UTP4: variants seen among roughly 807,000 people sequenced by gnomAD.
The protein encoded by UTP4 is UTP4 small subunit processome component, also known as U3 small nucleolar RNA-associated protein 4 homolog.
In UTP4, 45 loss-of-function variants were observed where a neutral mutation model predicts 82.4. The ratio of observed to expected loss-of-function variants is 0.55; its 90% CI spans 0.43 to 0.70. The LOEUF (loss-of-function observed/expected upper bound fraction) is 0.70. Ranked by LOEUF, UTP4 falls within the 30% of genes least tolerant of loss-of-function variation. UTP4 has a pLI of 0.00. For synonymous variants in UTP4, 348 were observed against 300.3 expected, an observed-to-expected ratio of 1.16 and a Z score of -1.64; for missense variants, 819 against 858.3, an observed-to-expected ratio of 0.95 and a Z score of 0.57.
At chr16:69,153,016 G>C (rs1431226201) in intron 8 of UTP4, among the ~76,000 whole-genome samples, 1 of 152,120 alleles carries the variant, frequency 6.6e-6, no homozygotes, top group East Asian at 1.9e-4. Flanking sequence ...AGTTTCCTTA[G>C]TGTGTCTTAT....
In UTP4 at chr16:69,168,940, C is replaced by A; in HGVS notation, c.*3C>A. The A allele has an allele frequency of 6.4e-7, 1 of 1,557,328 alleles. No individual in the cohort carries two copies. Among genetic ancestry groups the A allele is most frequent in the Non-Finnish European group, 8.9e-7 (1 of 1,128,134 alleles). On this transcript the variant is annotated 3_prime_UTR_variant, in exon 17 of 17. Transcript: ENST00000314423. Reference sequence around the variant, plus strand: ...AAAAGAAGAAATTTGGAACCTAAAACAGGGCACTGTCTGTGTCCTTCCTTG... The same window carrying A: ...AAAAGAAGAAATTTGGAACCTAAAAAAGGGCACTGTCTGTGTCCTTCCTTG...
chr16:69,167,854 A>C (rs1226404010), intron 16 of UTP4: 1 of 151,992 alleles, frequency 6.6e-6, no homozygotes, highest in Non-Finnish European at 1.5e-5. Context: ...AAAAAAAAAA[A>C]AATATAAAAA....
chr16:69,168,849 A>G lies in UTP4; in HGVS notation c.1973A>G (p.Glu658Gly). 1 of 1,613,546 alleles carries G rather than the reference A, an allele frequency of 6.2e-7. No homozygotes were observed. Among genetic ancestry groups the G allele is most frequent in the South Asian group, 1.1e-5 (1 of 91,056 alleles). The change falls in exon 17 of 17, where the codon GAA (glutamate) becomes GGA (glycine). Residue 658 changes from glutamate (E) to glycine (G), a missense_variant. Glu to Gly is a moderately conservative substitution (Grantham distance 98). Transcript: ENST00000314423. Reference protein sequence around the residue: ...KPLLFMDLLDERTLVAVERPL... With the variant: ...KPLLFMDLLDGRTLVAVERPL... ...CTACTCTTCATGGATCTTTTGGATG[A>G]AAGAACACTCGTGGCAGTAGAACGG...
chr16:69,134,015 A>G (rs1962736145), intron 2 of UTP4, among the ~76,000 whole-genome samples: 1 of 152,166 alleles, frequency 6.6e-6, no homozygotes, highest in African/African-American at 2.4e-5. Context: ...TAATATCAGA[A>G]ACTTTTTGGT....
At chr16:69,160,886 G>A (rs1308977728) in intron 13 of UTP4, among the ~76,000 whole-genome samples, 3 of 152,038 alleles carry the variant, frequency 2.0e-5, no homozygotes, top group Non-Finnish European at 4.4e-5. Context: ...ATGAGCCACC[G>A]CGCCTGGCCA....
chr16:69,155,399 C>G (rs900791693), intron 10 of UTP4, among the ~76,000 whole-genome samples: 1 of 151,696 alleles, frequency 6.6e-6, no homozygotes, highest in Admixed American at 6.6e-5. Context: ...CTCCTGGGCT[C>G]AAGCAATCCT....
chr16:69,144,129 C>A (rs899667260), intron 6 of UTP4, among the ~76,000 whole-genome samples: 1 of 152,026 alleles, frequency 6.6e-6, no homozygotes. Context: ...CTCAGGTGAT[C>A]CACCCACCTC....
At chr16:69,148,875 A>G (rs1360767393) in intron 6 of UTP4, among the ~76,000 whole-genome samples, 1 of 152,156 alleles carries the variant, frequency 6.6e-6, no homozygotes, top group Non-Finnish European at 1.5e-5. Flanking sequence ...GCGGGATTAC[A>G]GATGTGAGCC....
intron 14 of UTP4, 31 bp downstream of exon 14, chr16:69,163,209 T>A (rs1327207276): frequency 6.5e-7 from 1 of 1,538,740 alleles, no homozygotes; most frequent in Non-Finnish European, 9.0e-7. Context: ...TTCTATTCCC[T>A]TCCTGCTGGA....
chr16:69,166,757 G>A (rs1327949543), intron 15 of UTP4: 2 of 339,708 alleles, frequency 5.9e-6, no homozygotes, highest in South Asian at 3.1e-5. Context: ...GCCAGAAGCC[G>A]CAGAAGGGCC....
chr16:69,150,269 C>G (rs1397471672), intron 6 of UTP4, among the ~76,000 whole-genome samples: 1 of 152,104 alleles, frequency 6.6e-6, no homozygotes, highest in Non-Finnish European at 1.5e-5. Flanking sequence ...TCTCTCAATG[C>G]TATTCTAAGG....
Position 69,139,948 on chromosome 16 carries a change from G to T in UTP4, c.526+34G>T, listed in dbSNP as rs765477274. On this transcript the variant is annotated intron_variant, in intron 5 of 16. Transcript: ENST00000314423. ...TTTTTTCAGTTCATTTGGGGTGTGG[G>T]TTTTGTCAGATTCACATTTCTGAGT... 6 of 1,474,618 alleles carry T rather than the reference G, an allele frequency of 4.1e-6. No individual in the cohort carries two copies. The Admixed American group carries it at 1.0e-4, about 25-fold the overall frequency. The allele number at this position is 1,474,618 out of a possible 1,614,324, so 91.3% of individuals were successfully genotyped here. A position where few individuals can be genotyped will look rare whatever the true frequency, so the allele number is the denominator to read the frequency against.
At chr16:69,152,032 C>T (rs1402533030) in intron 8 of UTP4, among the ~76,000 whole-genome samples, 2 of 150,410 alleles carry the variant, frequency 1.3e-5, no homozygotes, top group Non-Finnish European at 3.0e-5. Context: ...ATAGATAGAT[C>T]AACAGCTCTA....
intron 6 of UTP4, among the ~76,000 whole-genome samples, chr16:69,147,737 C>T (rs961695335): frequency 4.6e-5 from 7 of 151,992 alleles, no homozygotes; most frequent in Non-Finnish European, 8.8e-5. Context: ...CATAGCCTGA[C>T]GGTAGTTTTG....
rs776051732 is a variant in UTP4 at position 69,133,565 on chromosome 16, A to G, written c.106A>G (p.Thr36Ala). The G allele has an allele frequency of 3.7e-6, 6 of 1,614,186 alleles. No individual in the cohort carries two copies. The highest frequency in any genetic ancestry group is 1.1e-5 in the South Asian group (1 of 91,082). Residue 36 changes from threonine (T) to alanine (A), a missense_variant, in exon 2 of 17, where the codon ACA becomes GCA. Thr to Ala is a moderately conservative substitution (Grantham distance 58). Coordinates refer to ENST00000314423, the MANE Select transcript of UTP4 (RefSeq NM_032830.3). ...GTCAAACAGATTGGCTGTTTCACGA[A>G]CAGATGGCACTGTGGAAATTTATAA... Reference protein sequence around the residue: ...NQSNRLAVSRTDGTVEIYNLS... With the variant: ...NQSNRLAVSRADGTVEIYNLS...
chr16:69,159,133 T>C (rs897641053), intron 12 of UTP4, among the ~76,000 whole-genome samples: 3 of 152,076 alleles, frequency 2.0e-5, no homozygotes, highest in Admixed American at 1.3e-4. Context: ...CTGGAGTGCA[T>C]TGGTGCCATC....
At chr16:69,146,663 C>G (rs895504112) in intron 6 of UTP4, among the ~76,000 whole-genome samples, 1 of 151,308 alleles carries the variant, frequency 6.6e-6, no homozygotes. Flanking sequence ...GAGTTCGAGA[C>G]CAGCCTGGCC....
At chr16:69,135,964 G>C (rs1962801192) in intron 2 of UTP4, among the ~76,000 whole-genome samples, 1 of 152,206 alleles carries the variant, frequency 6.6e-6, no homozygotes, top group Non-Finnish European at 1.5e-5. Flanking sequence ...GGGAGTCGGA[G>C]GTTGCAGTGA....
chr16:69,135,389 ACT>A, intron 2 of UTP4, among the ~76,000 whole-genome samples: 1 of 151,694 alleles, frequency 6.6e-6, no homozygotes, highest in Non-Finnish European at 1.5e-5. Flanking sequence ...TCTGTCAGTG[ACT>A]CTCAGAGCAA....
Sources: gnomAD v4.1 joint callset for allele counts (sites outside exome capture counted in the v4.1 genomes callset) on GRCh38, gnomAD v4.1.1 for gene constraint, MANE v1.5 for transcripts, NCBI Gene and HGNC (gene_info 2026-07-23, HGNC 2026-07-21) for gene names.